TMEM74: variants seen among roughly 807,000 people sequenced by gnomAD.
The protein encoded by TMEM74 is transmembrane protein 74.
Under a neutral mutation model 18.1 loss-of-function variants are expected in TMEM74, and 13 were observed. The ratio of observed to expected loss-of-function variants is 0.72; its 90% confidence interval spans 0.47 to 1.14. The LOEUF is 1.14. Ranked by LOEUF, TMEM74 falls within the 50% of genes most tolerant of loss-of-function variation. The pLI is 0.00. For synonymous variants in TMEM74, 159 were observed against 146.6 expected (o/e 1.08, Z -0.61); for missense variants, 372 against 375.9 (o/e 0.99, Z 0.09).
rs79284377 is a variant in TMEM74, at chr8:108,667,692, A to G, written n.120-12255T>C. Among the ~76,000 whole-genome samples the G allele has an allele frequency of 7.7e-3, 1,176 of 152,194 alleles. 20 individuals are homozygous for G. The highest frequency in any genetic ancestry group is 0.06 in the East Asian group (312 of 5,174). On this transcript the variant is annotated intron_variant and non_coding_transcript_variant, in intron 1 of 3. Transcript: ENST00000518838. ...TAGATATTTTTTAATGGTCTCATTC[A>G]TCATTTCTCCTTTGTCTGCATAGTT...
At chr8:108,715,986 A>G (rs866467721) in intron 1 of TMEM74, among the ~76,000 whole-genome samples, 1 of 152,110 alleles carries the variant, frequency 6.6e-6, no homozygotes, top group South Asian at 2.1e-4. Flanking sequence ...AAGATAATAA[A>G]TCACTAAACA....
At chr8:108,766,786 G>T (rs1200618444) in intron 1 of TMEM74, among the ~76,000 whole-genome samples, 3 of 152,146 alleles carry the variant, frequency 2.0e-5, no homozygotes, top group Admixed American at 6.5e-5. Context: ...TAGGGAAGCC[G>T]CCAGCGCAGC....
intron 1 of TMEM74, among the ~76,000 whole-genome samples, chr8:108,686,166 G>T (rs2130603197): frequency 6.6e-6 from 1 of 152,046 alleles, no homozygotes; most frequent in South Asian, 2.1e-4. Flanking sequence ...ATAAACAATG[G>T]GAGCGTAAGT....
intron 2 of TMEM74, chr8:108,652,758 C>A: frequency 1.9e-6 from 1 of 530,438 alleles, no homozygotes; most frequent in East Asian, 3.7e-5. Context: ...ACACTCAGGA[C>A]AAAGGCTGTG....
intron 2 of TMEM74, among the ~76,000 whole-genome samples, chr8:108,626,012 G>T (rs1169919112): frequency 6.6e-6 from 1 of 151,890 alleles, no homozygotes; most frequent in Non-Finnish European, 1.5e-5. Context: ...TTGACCTTAA[G>T]ACCTGGTTTA....
chr8:108,671,905 G>A (rs987736254), intron 1 of TMEM74, among the ~76,000 whole-genome samples: 2 of 152,188 alleles, frequency 1.3e-5, no homozygotes, highest in Admixed American at 6.5e-5. Context: ...CCTAGTGCCA[G>A]GATGACAGTG....
In TMEM74 at chr8:108,618,576, G is replaced by T. The variant is rs552301614; in HGVS notation, n.265-9750C>A. ...GTTATCAGTACACTGGAGTACTTCC[G>T]TAAAGGTTTGGTTCTGTGCTGTTTG... On this transcript the variant is annotated intron_variant and non_coding_transcript_variant, in intron 2 of 3. Transcript: ENST00000518838. 6.5e-4 allele frequency among the ~76,000 whole-genome samples: 99 copies of T among 152,276 alleles called. No individual in the cohort carries two copies. In the South Asian group the frequency reaches 0.02, roughly 31 times the overall value.
intron 1 of TMEM74, among the ~76,000 whole-genome samples, chr8:108,725,341 T>A (rs914720279): frequency 2.0e-5 from 3 of 152,222 alleles, no homozygotes; most frequent in Non-Finnish European, 2.9e-5. Flanking sequence ...TAATAAGAGA[T>A]GCCTTGTTCA....
intron 1 of TMEM74, among the ~76,000 whole-genome samples, chr8:108,676,101 G>GGAGTATTTAT (rs1813053671): frequency 6.6e-6 from 1 of 152,146 alleles, no homozygotes; most frequent in Non-Finnish European, 1.5e-5. Context: ...ATATTCAAGG[G>GGAGTATTTAT]GAGTATTTAT....
At chr8:108,771,325 A>T (rs1473187304) in intron 1 of TMEM74, among the ~76,000 whole-genome samples, 1 of 152,194 alleles carries the variant, frequency 6.6e-6, no homozygotes, top group Non-Finnish European at 1.5e-5. Flanking sequence ...AAATTAAATG[A>T]GTTAATATTT....
At chr8:108,749,990 T>TG in intron 1 of TMEM74, among the ~76,000 whole-genome samples, 1 of 152,270 alleles carries the variant, frequency 6.6e-6, no homozygotes, top group East Asian at 1.9e-4. Context: ...TTCCAGCCTG[T>TG]GCCACACCTC....
chr8:108,787,289 C>A (rs1475924083), intron 1 of TMEM74, among the ~76,000 whole-genome samples, 187 bp downstream of exon 1: 1 of 152,116 alleles, frequency 6.6e-6, no homozygotes, highest in Non-Finnish European at 1.5e-5. Flanking sequence ...CAGCAGGCGC[C>A]GAGGAATCCG....
intron 1 of TMEM74, among the ~76,000 whole-genome samples, chr8:108,718,583 GATAC>G (rs1373442332): frequency 6.6e-6 from 1 of 152,156 alleles, no homozygotes; most frequent in African/African-American, 2.4e-5. Flanking sequence ...GAACAGCTGT[GATAC>G]ACTAGGATTT....
intron 1 of TMEM74, among the ~76,000 whole-genome samples, chr8:108,667,203 G>A (rs1005052611): frequency 6.6e-6 from 1 of 152,176 alleles, no homozygotes; most frequent in Non-Finnish European, 1.5e-5. Context: ...TGCTGAGTAT[G>A]AGTCCCAGTT....
chr8:108,697,047 T>A (rs1023361950), intron 1 of TMEM74, among the ~76,000 whole-genome samples: 1 of 152,190 alleles, frequency 6.6e-6, no homozygotes, highest in Non-Finnish European at 1.5e-5. Context: ...GTTCTTGTTT[T>A]CCTTTTCATC....
intron 1 of TMEM74, among the ~76,000 whole-genome samples, chr8:108,706,202 C>T (rs1489073909): frequency 3.3e-5 from 5 of 152,180 alleles, no homozygotes; most frequent in African/African-American, 7.2e-5. Flanking sequence ...TAGCTCAACA[C>T]GTATCTGTTT....
At chr8:108,686,238 G>A (rs1010343585) in intron 1 of TMEM74, among the ~76,000 whole-genome samples, 8 of 152,016 alleles carry the variant, frequency 5.3e-5, no homozygotes, top group Admixed American at 3.3e-4. Flanking sequence ...TCGCTCTGTC[G>A]CCCAGGCTGG....
At chr8:108,663,948 G>T (rs1230808779) in intron 1 of TMEM74, among the ~76,000 whole-genome samples, 3 of 152,092 alleles carry the variant, frequency 2.0e-5, no homozygotes, top group Non-Finnish European at 4.4e-5. Context: ...AACACACACT[G>T]GGGCCTCTCA....
At chr8:108,741,725 A>G (rs538495650) in intron 1 of TMEM74, among the ~76,000 whole-genome samples, 140 of 152,204 alleles carry the variant, frequency 9.2e-4, no homozygotes, top group Non-Finnish European at 1.6e-3. Context: ...GGACATGTGG[A>G]AACTACTTGG....
Sources: gnomAD v4.1 joint callset for allele counts (sites outside exome capture counted in the v4.1 genomes callset) on GRCh38, gnomAD v4.1.1 for gene constraint, MANE v1.5 for transcripts, NCBI Gene and HGNC (gene_info 2026-07-23, HGNC 2026-07-21) for gene names.